SH3BGRL: variants seen among roughly 807,000 people sequenced by gnomAD.
SH3BGRL encodes adapter SH3BGRL.
A neutral mutation model predicts 9.8 loss-of-function variants in SH3BGRL; 7 were observed. That is an observed-to-expected ratio of 0.72 (90% CI 0.41 to 1.35). The LOEUF (loss-of-function observed/expected upper bound fraction) is 1.35, where lower values mean the gene tolerates loss of function less well. SH3BGRL is among the 40% of genes most tolerant of loss of function. The pLI, the probability that SH3BGRL is intolerant of heterozygous loss-of-function variation, is 0.01. For missense variants in SH3BGRL, 73 were observed against 84.4 expected (o/e 0.86, Z 0.53); for synonymous variants, 36 against 29.1 (o/e 1.24, Z -0.76).
chrX:81,240,716 A>G (rs2075665931), intron 1 of SH3BGRL, among the ~76,000 whole-genome samples: 1 of 113,002 alleles, frequency 8.8e-6, no homozygotes. Flanking sequence ...GGAACCACAG[A>G]AGACACAGAA....
intron 1 of SH3BGRL, among the ~76,000 whole-genome samples, chrX:81,204,895 A>G (rs1465862726): frequency 8.9e-6 from 1 of 112,590 alleles, no homozygotes; most frequent in African/African-American, 3.2e-5. Flanking sequence ...TTAGAAATGA[A>G]AACAAGTATG....
At chrX:81,226,530 C>T (rs747587549) in intron 1 of SH3BGRL, among the ~76,000 whole-genome samples, 1 of 101,598 alleles carries the variant, frequency 9.8e-6, no homozygotes, top group East Asian at 3.0e-4. Flanking sequence ...ATCTATATCT[C>T]TCTCTCTATA....
chrX:81,276,423 A>T (rs2075798572), intron 1 of SH3BGRL, among the ~76,000 whole-genome samples: 1 of 110,674 alleles, frequency 9.0e-6, no homozygotes, highest in African/African-American at 3.3e-5. Flanking sequence ...TGAATGGTAC[A>T]GATATATTGC....
intron 1 of SH3BGRL, among the ~76,000 whole-genome samples, chrX:81,210,614 C>A (rs2075560147): frequency 9.0e-6 from 1 of 110,949 alleles, no homozygotes; most frequent in Non-Finnish European, 1.9e-5. Context: ...GAGAACTAGC[C>A]AGGTCACAGA....
intron 1 of SH3BGRL, among the ~76,000 whole-genome samples, chrX:81,234,935 A>G (rs755970011): frequency 2.2e-3 from 243 of 112,006 alleles, no homozygotes; most frequent in Non-Finnish European, 3.6e-3. Flanking sequence ...GTAAAGCTGA[A>G]CAATTTAAAG....
intron 1 of SH3BGRL, among the ~76,000 whole-genome samples, chrX:81,265,691 T>C (rs1239183291): frequency 1.8e-5 from 2 of 112,258 alleles, no homozygotes; most frequent in Admixed American, 9.4e-5. Context: ...GTCTTTATTG[T>C]AGAATGATTT....
At chrX:81,248,519 A>C (rs778823840) in intron 1 of SH3BGRL, among the ~76,000 whole-genome samples, 19 of 112,160 alleles carry the variant, frequency 1.7e-4, no homozygotes, top group Admixed American at 6.6e-4. Context: ...CAGGCTTGTG[A>C]CAGGGCAGAG....
intron 1 of SH3BGRL, among the ~76,000 whole-genome samples, chrX:81,239,501 A>G (rs2075661062): frequency 8.9e-6 from 1 of 111,970 alleles, no homozygotes; most frequent in Non-Finnish European, 1.9e-5. Flanking sequence ...AAGAAAAAAG[A>G]ATATGTAGCA....
At chrX:81,229,957 T>A (rs2075628138) in intron 1 of SH3BGRL, among the ~76,000 whole-genome samples, 2 of 111,898 alleles carry the variant, frequency 1.8e-5, no homozygotes, top group Admixed American at 9.5e-5. Flanking sequence ...GCTCCTCTTC[T>A]GTATCAATTC....
chrX:81,248,734 T>C (rs1046692290), intron 1 of SH3BGRL, among the ~76,000 whole-genome samples: 11 of 111,596 alleles, frequency 9.9e-5, no homozygotes, highest in Non-Finnish European at 1.9e-4. Flanking sequence ...TATGGGAAAA[T>C]ATCCGCAGCT....
chrX:81,238,062 G>T (rs774211250), intron 1 of SH3BGRL, among the ~76,000 whole-genome samples: 9 of 109,166 alleles, frequency 8.2e-5, no homozygotes, highest in Admixed American at 2.9e-4. Context: ...AACTAAAGAG[G>T]CCTCAGGCCC....
chrX:81,241,232 G>C (rs2075667985), intron 1 of SH3BGRL, among the ~76,000 whole-genome samples: 1 of 112,244 alleles, frequency 8.9e-6, no homozygotes, highest in East Asian at 2.8e-4. Context: ...GAGCATGAGA[G>C]GGATACTGAG....
intron 3 of SH3BGRL, among the ~76,000 whole-genome samples, chrX:81,294,660 G>A (rs761240478): frequency 3.0e-3 from 330 of 111,194 alleles, no homozygotes; most frequent in African/African-American, 6.1e-3. Flanking sequence ...CCGGGGCACC[G>A]CCTAGTAGAG....
At chrX:81,249,956 A>G (rs1256437033) in intron 1 of SH3BGRL, among the ~76,000 whole-genome samples, 6 of 111,258 alleles carry the variant, frequency 5.4e-5, no homozygotes, top group Non-Finnish European at 1.1e-4. Flanking sequence ...CACAACAAAA[A>G]GGTGAATTTC....
At chrX:81,239,768 A>T (rs2075662015) in intron 1 of SH3BGRL, among the ~76,000 whole-genome samples, 1 of 112,484 alleles carries the variant, frequency 8.9e-6, no homozygotes, top group Non-Finnish European at 1.9e-5. Flanking sequence ...GAATCCTAAA[A>T]GCAGCAAGAG....
At chrX:81,294,637 C>T (rs988976037) in intron 3 of SH3BGRL, among the ~76,000 whole-genome samples, 9 of 111,272 alleles carry the variant, frequency 8.1e-5, no homozygotes, top group Non-Finnish European at 1.5e-4. Flanking sequence ...GGAGCCCCCA[C>T]ACAGAGTCCC....
chrX:81,242,572 C>A (rs767323671), intron 1 of SH3BGRL, among the ~76,000 whole-genome samples: 1 of 111,679 alleles, frequency 9.0e-6, no homozygotes, highest in African/African-American at 3.3e-5. Context: ...TGAACAACTG[C>A]GATCACATCA....
chrX:81,250,949 T>TA (rs200124933), intron 1 of SH3BGRL, among the ~76,000 whole-genome samples: 1,527 of 111,690 alleles, frequency 0.014, 34 homozygotes, highest in African/African-American at 0.048. Context: ...GGTAGAGAGT[T>TA]AAAAAAATAC....
At chrX:81,212,956 T>C (rs1252841473) in intron 1 of SH3BGRL, among the ~76,000 whole-genome samples, 1 of 112,908 alleles carries the variant, frequency 8.9e-6, no homozygotes, top group African/African-American at 3.2e-5. Flanking sequence ...AGAGATTGAA[T>C]TGACTTTTTT....
Sources: allele counts gnomAD v4.1 joint callset (sites outside exome capture counted in the v4.1 genomes callset), GRCh38; gene constraint gnomAD v4.1.1; transcripts MANE v1.5; gene names NCBI Gene and HGNC (gene_info 2026-07-23, HGNC 2026-07-21).